The following TKTL2 variants were observed in gnomAD, a reference collection of about 807,000 sequenced individuals.
TKTL2 encodes the protein transketolase like 2, also known as transketolase-like protein 2.
For synonymous variants in TKTL2, 259 were observed against 294.1 expected (o/e 0.88, Z 1.22); for missense variants, 825 against 799.4 (o/e 1.03, Z -0.39).
In TKTL2 at chr4:163,473,003, G is replaced by C. The variant is rs770014301; in HGVS notation, c.732C>G (p.Ala244=). 6 of 1,613,992 alleles carry C rather than the reference G, an allele frequency of 3.7e-6. No individual in the cohort carries two copies. In the East Asian group the frequency reaches 1.3e-4, roughly 36 times the overall value. ...QVKNKPTAIV[A]KTFKGRGIPN... is the part of the protein sequence containing the mutation. ...GAATACCCCGACCTTTGAAGGTCTT[G>C]GCAACTATAGCAGTAGGCTTGTTCT... Residue 244 remains alanine, a synonymous_variant, in exon 1 of 1, where the codon GCC becomes GCG. Coordinates refer to ENST00000280605, the MANE Select transcript of TKTL2 (RefSeq NM_032136.5).
chr4:163,471,833 C>A lies in TKTL2; in HGVS notation c.*21G>T. 2.7e-6 allele frequency: 4 copies of A among 1,500,650 alleles called. No homozygotes were observed. In the East Asian group the frequency reaches 9.2e-5, roughly 35 times the overall value. The allele number at this position is 1,500,650 out of a possible 1,614,324, so 93.0% of individuals were successfully genotyped here. On this transcript the variant is annotated 3_prime_UTR_variant, in exon 1 of 1. Transcript: ENST00000280605. ...TTTGGGCCAAAGCCAATAGACTTGA[C>A]TTTTTAGAAATAAGCCTAGTTTACT...
In TKTL2 at chr4:163,472,810, A is replaced by G. The variant is rs1737194133; in HGVS notation, c.925T>C (p.Ser309Pro). 1 of 1,563,928 alleles carries G rather than the reference A, an allele frequency of 6.4e-7. No individual in the cohort carries two copies. The highest frequency in any genetic ancestry group is 8.6e-7 in the Non-Finnish European group (1 of 1,157,652). ...TCACCAACTTTGTAAGCAGGTGGGGAGGTCATTTTTATATCTGTGATGCTT... is the reference window on the plus strand; with the variant it reads ...TCACCAACTTTGTAAGCAGGTGGGGGGGTCATTTTTATATCTGTGATGCTT... The part of the protein sequence containing the change: ...QISITDIKMT[S>P]PPAYKVGDKI... The change falls in exon 1 of 1, where the codon TCC becomes CCC. Residue 309 changes from serine to proline, a missense_variant. Transcript: ENST00000280605.
chr4:163,473,109 G>T lies in TKTL2; in HGVS notation c.626C>A (p.Ala209Asp). ...GADIYQNCCE[A>D]FGWNTYLVDG... Reference sequence around the variant, plus strand: ...CACTAAGTAAGTATTCCATCCAAAGGCTTCACAGCAATTCTGGTAGATGTC... The same window carrying T: ...CACTAAGTAAGTATTCCATCCAAAGTCTTCACAGCAATTCTGGTAGATGTC... Residue 209 changes from alanine to aspartate, a missense_variant, in exon 1 of 1, where the codon GCC (alanine) becomes GAC (aspartate). Transcript: ENST00000280605. 2 of 1,614,010 alleles carry T rather than the reference G, an allele frequency of 1.2e-6. No homozygotes were observed. Among genetic ancestry groups the T allele is most frequent in the South Asian group, 1.1e-5 (1 of 91,068 alleles).
chr4:163,473,422 G>A lies in TKTL2; in HGVS notation c.313C>T (p.His105Tyr), dbSNP rs1039919214. 2 of 1,613,868 alleles carry A rather than the reference G, an allele frequency of 1.2e-6. No individual in the cohort carries two copies. Among genetic ancestry groups the A allele is most frequent in the African/African-American group, 2.7e-5 (2 of 74,886 alleles). Residue 105 changes from histidine (H) to tyrosine (Y), a missense_variant, in exon 1 of 1, where the codon CAC becomes TAC. By Grantham distance (83) the His-to-Tyr change is moderately conservative (BLOSUM62 2). Coordinates refer to ENST00000280605, the MANE Select transcript of TKTL2 (RefSeq NM_032136.5). The stretch of plus-strand genomic sequence containing the variant: ...GTAGGGTGTCTCTCCAAGTCGCTGT[G>A]AAGTTTCCTCAGGTTCAGCAAGTCA... ...ESDLLNLRKL[H>Y]SDLERHPTPR...
At position 163,472,781 on chromosome 4, in the gene TKTL2, C is replaced by T. The variant is rs554116975; in HGVS notation, c.954G>A (p.Lys318=). 7.0e-6 allele frequency: 11 copies of T among 1,572,524 alleles called. No individual in the cohort carries two copies. The South Asian group carries it at 1.3e-4, about 19-fold the overall frequency. The change falls in exon 1 of 1, where the codon AAG becomes AAA. Residue 318 remains lysine, a synonymous_variant. Transcript: ENST00000280605. ...AACCATATGTTTTCTGAGTAGCTAT[C>T]TTGTCACCAACTTTGTAAGCAGGTG... ...TSPPAYKVGD[K]IATQKTYGLA...
In TKTL2 at chr4:163,472,532, G is replaced by C; in HGVS notation, c.1203C>G (p.Phe401Leu). Residue 401 changes from phenylalanine (F) to leucine (L), a missense_variant, in exon 1 of 1, where the codon TTC (phenylalanine) becomes TTG (leucine). By Grantham distance (22) the Phe-to-Leu change is conservative (BLOSUM62 0). Coordinates refer to ENST00000280605, the MANE Select transcript of TKTL2 (RefSeq NM_032136.5). ...AAATGGCTCCCATTCGGAGCTGATC[G>C]AATGCTCTAGTAAAAAAGGCAGCAA... is the stretch of plus-strand genomic sequence containing the variant. ...GAFAAFFTRA[F>L]DQLRMGAISQ... 1.2e-6 allele frequency: 2 copies of C among 1,614,098 alleles called. No individual in the cohort carries two copies. The highest frequency in any genetic ancestry group is 8.5e-7 in the Non-Finnish European group (1 of 1,180,006).
rs2110751348 is a variant in TKTL2, at chr4:163,472,854, A to G, written c.881T>C (p.Val294Ala). ...TNENLIPKSP[V>A]EDSPQISITD... ...GATGCTTATTTGAGGTGAGTCTTCC[A>G]CAGGCGATTTTGGTATGAGATTCTC... The change falls in exon 1 of 1, where the codon GTG (valine) becomes GCG (alanine). Residue 294 changes from valine to alanine, a missense_variant. Physicochemically the swap from Val to Ala is moderately conservative, Grantham distance 64. Coordinates refer to ENST00000280605, the MANE Select transcript of TKTL2 (RefSeq NM_032136.5). The G allele has an allele frequency of 6.3e-7, 1 of 1,583,024 alleles. No individual in the cohort carries two copies. The highest frequency in any genetic ancestry group is 2.2e-5 in the East Asian group (1 of 44,724).
rs541516570 is a variant in TKTL2 at position 163,473,707 on chromosome 4, C to A, written c.28G>T (p.Val10Leu). 23 of 1,608,708 alleles carry A rather than the reference C, an allele frequency of 1.4e-5. No homozygotes were observed. The highest frequency in any genetic ancestry group is 1.7e-4 in the Middle Eastern group (1 of 6,038). ...TCCCGCAGCACCTGCACGGTCTTCACGTCGGGCTTGGCGTCGTTGGCCATC... is the reference window on the plus strand; with the variant it reads ...TCCCGCAGCACCTGCACGGTCTTCAAGTCGGGCTTGGCGTCGTTGGCCATC... MMANDAKPD[V>L]KTVQVLRDTA... is the part of the protein sequence containing the mutation. Residue 10 changes from valine to leucine, a missense_variant, in exon 1 of 1, where the codon GTG becomes TTG. Transcript: ENST00000280605.
At position 163,472,270 on chromosome 4, in the gene TKTL2, C is replaced by G. The variant is rs866012113; in HGVS notation, c.1465G>C (p.Glu489Gln). Residue 489 changes from glutamate (E) to glutamine (Q), a missense_variant, in exon 1 of 1, where the codon GAA becomes CAA. Transcript: ENST00000280605. ...TTGGCCTGGCCAATCTCAAAATTTT[C>G]TTGTGGGGTATAAATAACTGCAGTT... is the stretch of plus-strand genomic sequence containing the variant. ...PETAVIYTPQENFEIGQAKVV... is the reference protein window; with the variant it reads ...PETAVIYTPQQNFEIGQAKVV... The G allele has an allele frequency of 6.2e-7, 1 of 1,611,614 alleles. No homozygotes were observed. The highest frequency in any genetic ancestry group is 8.5e-7 in the Non-Finnish European group (1 of 1,178,850).
In TKTL2 at chr4:163,471,758, T is replaced by C. The variant is rs1737168633; in HGVS notation, c.*96A>G. ...AACAGTACAACTGTATAGGTATAAA[T>C]AATGGTTTTGTGACAATAAACATGA... On this transcript the variant is annotated 3_prime_UTR_variant, in exon 1 of 1. Coordinates refer to ENST00000280605, the MANE Select transcript of TKTL2 (RefSeq NM_032136.5). 3 of 1,003,100 alleles carry C rather than the reference T, an allele frequency of 3.0e-6. No individual in the cohort carries two copies. In the Admixed American group the frequency reaches 9.1e-5, roughly 31 times the overall value. The allele number at this position is 1,003,100 out of a possible 1,614,324, so 62.1% of individuals were successfully genotyped here.
chr4:163,472,603 G>T lies in TKTL2; in HGVS notation c.1132C>A (p.Leu378Ile), dbSNP rs767833920. 6.2e-7 allele frequency: 1 copy of T among 1,614,076 alleles called. No individual in the cohort carries two copies. Among genetic ancestry groups the T allele is most frequent in the South Asian group, 1.1e-5 (1 of 91,088 alleles). The part of the protein sequence containing the change: ...IAEQNMVSVA[L>I]GCATRGRTIA... Reference sequence around the variant, plus strand: ...GTTCGACCACGTGTAGCACAGCCTAGTGCCACACTTACCATGTTTTGTTCA... The same window carrying T: ...GTTCGACCACGTGTAGCACAGCCTATTGCCACACTTACCATGTTTTGTTCA... Residue 378 changes from leucine (L) to isoleucine (I), a missense_variant, in exon 1 of 1, where the codon CTA becomes ATA. Leu to Ile is a conservative substitution (Grantham distance 5, BLOSUM62 2). Transcript: ENST00000280605.
chr4:163,471,750 G>A lies in TKTL2; in HGVS notation c.*104C>T. 3.4e-6 allele frequency: 3 copies of A among 891,626 alleles called. No homozygotes were observed. The Admixed American group carries it at 9.6e-5, about 29-fold the overall frequency. The allele number at this position is 891,626 out of a possible 1,614,324, so 55.2% of individuals were successfully genotyped here. A position where few individuals can be genotyped will look rare whatever the true frequency, so the allele number is the denominator to read the frequency against. ...TTAAAAGAAACAGTACAACTGTATA[G>A]GTATAAATAATGGTTTTGTGACAAT... On this transcript the variant is annotated 3_prime_UTR_variant, in exon 1 of 1. Coordinates refer to ENST00000280605, the MANE Select transcript of TKTL2 (RefSeq NM_032136.5).
chr4:163,473,753 G>T lies in TKTL2; in HGVS notation c.-19C>A. 1.3e-6 allele frequency: 2 copies of T among 1,582,676 alleles called. No individual in the cohort carries two copies. The highest frequency in any genetic ancestry group is 1.7e-6 in the Non-Finnish European group (2 of 1,161,250). ...CCATCATCTCTCTTTTGTCGGTTTG[G>T]CAAAGCAAACGGCGCCGCAGCACCC... is the stretch of plus-strand genomic sequence containing the variant. On this transcript the variant is annotated 5_prime_UTR_variant, in exon 1 of 1. Coordinates refer to ENST00000280605, the MANE Select transcript of TKTL2 (RefSeq NM_032136.5).
At position 163,471,743 on chromosome 4, in the gene TKTL2, C is replaced by T; in HGVS notation, c.*111G>A. ...CTTTGCTTTAAAAGAAACAGTACAA[C>T]TGTATAGGTATAAATAATGGTTTTG... On this transcript the variant is annotated 3_prime_UTR_variant, in exon 1 of 1. Coordinates refer to ENST00000280605, the MANE Select transcript of TKTL2 (RefSeq NM_032136.5). 1.2e-6 allele frequency: 1 copy of T among 824,370 alleles called. No homozygotes were observed. The allele number at this position is 824,370 out of a possible 1,614,324, so 51.1% of individuals were successfully genotyped here.
In TKTL2 at chr4:163,473,668, G is replaced by A. The variant is rs1255620685; in HGVS notation, c.67C>T (p.Leu23=). ...GTGGCCCTGATGGAATGGATCCGCA[G>A]GCGGTTGGCTGTGTCCCGCAGCACC... ...VQVLRDTANR[L]RIHSIRATCA... Residue 23 remains leucine (L), a synonymous_variant, in exon 1 of 1, where the codon CTG becomes TTG. Coordinates refer to ENST00000280605, the MANE Select transcript of TKTL2 (RefSeq NM_032136.5). 6.2e-6 allele frequency: 10 copies of A among 1,613,952 alleles called. No homozygotes were observed. Among genetic ancestry groups the A allele is most frequent in the Non-Finnish European group, 8.5e-6 (10 of 1,180,024 alleles).
rs1737179196 is a variant in TKTL2, at chr4:163,472,227, ACACCGTGGCGGAC to A, written c.1495_1507del (p.Val499SerfsTer7). ...TCCAATTACTGTGACTTTATCATTG[ACACCGTGGCGGAC>A]CACCTTGGCCTGGCCAATCTCAAAA... is the stretch of plus-strand genomic sequence containing the variant. On this transcript the variant is annotated frameshift_variant, in exon 1 of 1. Transcript: ENST00000280605. LOFTEE classifies it low-confidence loss of function (END_TRUNC). The A allele has an allele frequency of 1.2e-6, 2 of 1,614,080 alleles. No individual in the cohort carries two copies. The highest frequency in any genetic ancestry group is 2.7e-5 in the African/African-American group (2 of 74,936).
At position 163,472,104 on chromosome 4, in the gene TKTL2, A is replaced by C; in HGVS notation, c.1631T>G (p.Leu544Arg). 6.2e-7 allele frequency: 1 copy of C among 1,614,192 alleles called. No homozygotes were observed. ...ACTGGAGATGATGGTGGCGGCATCC[A>C]GGGGTTTAATGGTAAATGGGTCGAT... Reference protein sequence around the residue: ...RVIDPFTIKPLDAATIISSAK... With the variant: ...RVIDPFTIKPRDAATIISSAK... Residue 544 changes from leucine to arginine, a missense_variant, in exon 1 of 1, where the codon CTG becomes CGG. By Grantham distance (102) the Leu-to-Arg change is moderately radical. Transcript: ENST00000280605.
rs898339949 is a variant in TKTL2, at chr4:163,471,172, G to T, written c.*682C>A. 6.6e-6 allele frequency: 1 copy of T among 152,092 alleles called. No individual in the cohort carries two copies. The highest frequency in any genetic ancestry group is 6.5e-5 in the Admixed American group (1 of 15,268). The allele number at this position is 152,092 out of a possible 1,614,324, so 9.4% of individuals were successfully genotyped here. A position where few individuals can be genotyped will look rare whatever the true frequency, so the allele number is the denominator to read the frequency against. On this transcript the variant is annotated 3_prime_UTR_variant, in exon 1 of 1. Transcript: ENST00000280605. ...TATAATCAGATTAACAAACTGGTTTGGCCACAAGGAAAAGAAAAAACATTT... is the reference window on the plus strand; with the variant it reads ...TATAATCAGATTAACAAACTGGTTTTGCCACAAGGAAAAGAAAAAACATTT...
Position 163,472,012 on chromosome 4 carries a change from C to T in TKTL2, c.1723G>A (p.Ala575Thr). The change falls in exon 1 of 1, where the codon GCT becomes ACT. Residue 575 changes from alanine (A) to threonine (T), a missense_variant. Coordinates refer to ENST00000280605, the MANE Select transcript of TKTL2 (RefSeq NM_032136.5). ...TCCCTGGAGACAGCTGCACAAACAGCTTCTCCAATGCCACCTTCCCTGTAG... is the reference window on the plus strand; with the variant it reads ...TCCCTGGAGACAGCTGCACAAACAGTTTCTCCAATGCCACCTTCCCTGTAG... ...DHYREGGIGE[A>T]VCAAVSREPD... 4 of 1,613,450 alleles carry T rather than the reference C, an allele frequency of 2.5e-6. No individual in the cohort carries two copies. Among genetic ancestry groups the T allele is most frequent in the Non-Finnish European group, 3.4e-6 (4 of 1,179,542 alleles).
Sources: allele counts gnomAD v4.1 joint callset, GRCh38; gene constraint gnomAD v4.1.1; transcripts MANE v1.5; gene names NCBI Gene and HGNC (gene_info 2026-07-23, HGNC 2026-07-21).